The following FLG variants were observed in gnomAD, a reference collection of about 807,000 sequenced individuals.
FLG encodes filaggrin, also known as epidermal filaggrin.
FLG carries 6 observed loss-of-function variants against 3.8 expected under a neutral mutation model. That is an observed-to-expected ratio of 1.60 (90% confidence interval 0.87 to 3.15). The LOEUF (loss-of-function observed/expected upper bound fraction) is 3.15. Among genes scored for constraint, FLG ranks in the 30% most tolerant of loss-of-function variants. The pLI is 0.00. For missense variants in FLG, 7,595 were observed against 5,050.9 expected, an observed-to-expected ratio of 1.50 and a Z score of -15.27; for synonymous variants, 2,551 against 1,931.6, an observed-to-expected ratio of 1.32 and a Z score of -8.41.
rs779204654 is a variant in FLG, at chr1:152,313,004, G to C, written c.1882C>G (p.Gln628Glu). ...CTCTCAGAGTCTTCTGAGTGTCCCT[G>C]ACTGTCACTGTCCTGGCTAACACTG... ...GSSVSQDSDS[Q>E]GHSEDSERWS... is the part of the protein sequence containing the mutation. Residue 628 changes from glutamine to glutamate, a missense_variant, in exon 3 of 3, where the codon CAG becomes GAG. By Grantham distance (29) the Gln-to-Glu change is conservative. Transcript: ENST00000368799. 20 of 1,613,728 alleles carry C rather than the reference G, an allele frequency of 1.2e-5. No individual in the cohort carries two copies. The highest frequency in any genetic ancestry group is 4.5e-5 in the East Asian group (2 of 44,860).
At chr1:152,317,437 A>G (rs999817418) in intron 1 of FLG, among the ~76,000 whole-genome samples, 4 of 152,060 alleles carry the variant, frequency 2.6e-5, no homozygotes, top group Admixed American at 2.6e-4. Context: ...TATCCTTCAT[A>G]TTTCCAAATC....
chr1:152,313,425 G>A lies in FLG; in HGVS notation c.1461C>T (p.Thr487=), dbSNP rs1652601537. The part of the protein sequence containing the change: ...QPDSAHGRTG[T]STGGRQGSHH... ...GCGATCCTTGTCTTCCTCCAGTGCTGGTCCCGGTCCGTCCATGGGCAGAGT... is the reference window on the plus strand; with the variant it reads ...GCGATCCTTGTCTTCCTCCAGTGCTAGTCCCGGTCCGTCCATGGGCAGAGT... The change falls in exon 3 of 3, where the codon ACC becomes ACT. Residue 487 remains threonine (T), a synonymous_variant. Coordinates refer to ENST00000368799, the MANE Select transcript of FLG (RefSeq NM_002016.2). 3.7e-6 allele frequency: 6 copies of A among 1,613,848 alleles called. No individual in the cohort carries two copies. The East Asian group carries it at 1.1e-4, about 30-fold the overall frequency.
rs2101645352 is a variant in FLG at position 152,309,594 on chromosome 1, A to T, written c.5292T>A (p.Ser1764=). The change falls in exon 3 of 3, where the codon TCT becomes TCA. Residue 1764 remains serine, a synonymous_variant. Transcript: ENST00000368799. ...QSGERSGRSG[S]FLYQVSTHEQ... ...CATGAGTGCTCACCTGGTAGAGGAAAGACCCTGAACGTCCAGACCTTTCCC... is the reference window on the plus strand; with the variant it reads ...CATGAGTGCTCACCTGGTAGAGGAATGACCCTGAACGTCCAGACCTTTCCC... 1 of 1,613,768 alleles carries T rather than the reference A, an allele frequency of 6.2e-7. No individual in the cohort carries two copies. The highest frequency in any genetic ancestry group is 1.1e-5 in the South Asian group (1 of 91,052).
At position 152,304,330 on chromosome 1, in the gene FLG, G is replaced by A. The variant is rs757746919; in HGVS notation, c.10556C>T (p.Ser3519Leu). 5.0e-5 allele frequency: 81 copies of A among 1,611,592 alleles called. 2 individuals carry two copies. The highest frequency in any genetic ancestry group is 6.8e-5 in the Non-Finnish European group (80 of 1,178,928). ...ASTQADSSRH[S>L]QSGQGQSAGP... ...CGCTGATTGTCCCTGGCCGGACTGT[G>A]AGTGTCTAGAGCTGTCCGCCTGAGT... Residue 3519 changes from serine (S) to leucine (L), a missense_variant, in exon 3 of 3, where the codon TCA becomes TTA. Physicochemically the swap from Ser to Leu is moderately radical, Grantham distance 145. Transcript: ENST00000368799.
chr1:152,324,977 C>G (rs1432244843), intron 1 of FLG, among the ~76,000 whole-genome samples: 1 of 151,942 alleles, frequency 6.6e-6, no homozygotes, highest in South Asian at 2.1e-4. Flanking sequence ...AATGGACAAT[C>G]TAACAATACA....
At position 152,308,261 on chromosome 1, in the gene FLG, G is replaced by A. The variant is rs1293526306; in HGVS notation, c.6625C>T (p.His2209Tyr). 6 of 1,614,016 alleles carry A rather than the reference G, an allele frequency of 3.7e-6. No individual in the cohort carries two copies. The highest frequency in any genetic ancestry group is 2.2e-5 in the South Asian group (2 of 91,078). The change falls in exon 3 of 3, where the codon CAT becomes TAT. Residue 2209 changes from histidine (H) to tyrosine (Y), a missense_variant. By Grantham distance (83) the His-to-Tyr change is moderately conservative. Coordinates refer to ENST00000368799, the MANE Select transcript of FLG (RefSeq NM_002016.2). ...SGDGSRHSGSHHHEASSWADS... is the reference protein window; with the variant it reads ...SGDGSRHSGSYHHEASSWADS... ...GCCCAAGAGGAAGCTTCATGATGAT[G>A]CGACCCTGAGTGCCTAGAGCCATCT...
In FLG at chr1:152,322,148, T is replaced by A. The variant is rs116074044; in HGVS notation, c.-22+3041A>T. Among the ~76,000 whole-genome samples, 1,205 of 151,262 alleles carry A rather than the reference T, an allele frequency of 8.0e-3. 17 individuals are homozygous for A. Among genetic ancestry groups the A allele is most frequent in the African/African-American group, 0.027 (1,138 of 41,476 alleles). ...ATGTCATAGCAAAAATTATATTTAATGGTGAAATGAAAGCTTTCATCTCCA... is the reference window on the plus strand; with the variant it reads ...ATGTCATAGCAAAAATTATATTTAAAGGTGAAATGAAAGCTTTCATCTCCA... On this transcript the variant is annotated intron_variant, in intron 1 of 2. Transcript: ENST00000368799.
At position 152,305,519 on chromosome 1, in the gene FLG, C is replaced by T; in HGVS notation, c.9367G>A (p.Gly3123Arg). 2 of 1,553,826 alleles carry T rather than the reference C, an allele frequency of 1.3e-6. No individual in the cohort carries two copies. Among genetic ancestry groups the T allele is most frequent in the Non-Finnish European group, 1.7e-6 (2 of 1,156,920 alleles). Residue 3123 changes from glycine (G) to arginine (R), a missense_variant, in exon 3 of 3, where the codon GGG becomes AGG. Coordinates refer to ENST00000368799, the MANE Select transcript of FLG (RefSeq NM_002016.2). ...TCTACCGAATGCTCGTGGTGGTACC[C>T]CTGCCTTCCTCCTCTGCTTGACCCC... Reference protein sequence around the residue: ...HPGSSRGGRQGYHHEHSVDSS... With the variant: ...HPGSSRGGRQRYHHEHSVDSS...
Position 152,307,724 on chromosome 1 carries a change from G to T in FLG, c.7162C>A (p.Gln2388Lys), listed in dbSNP as rs1270215475. ...SDTQSVSAHG[Q>K]AGPHQQSHQE... ...TGGCTCTGCTGATGGGGCCCAGCCT[G>T]TCCGTGGGCTGACACTGACTGTGTG... The change falls in exon 3 of 3, where the codon CAG becomes AAG. Residue 2388 changes from glutamine to lysine, a missense_variant. Coordinates refer to ENST00000368799, the MANE Select transcript of FLG (RefSeq NM_002016.2). 1.9e-6 allele frequency: 3 copies of T among 1,613,338 alleles called. No homozygotes were observed. Among genetic ancestry groups the T allele is most frequent in the African/African-American group, 1.3e-5 (1 of 74,588 alleles).
At position 152,312,668 on chromosome 1, in the gene FLG, G is replaced by T; in HGVS notation, c.2218C>A (p.Arg740=). Residue 740 remains arginine (R), a synonymous_variant, in exon 3 of 3, where the codon CGA becomes AGA. Transcript: ENST00000368799. The stretch of plus-strand genomic sequence containing the variant: ...GTGGCCTGACTACCACTGGACCCTC[G>T]GTGTCCACTGTCTCTGACTGCAGAT... ...ASSAVRDSGH[R]GSSGSQATDS... 6.2e-7 allele frequency: 1 copy of T among 1,613,822 alleles called. No individual in the cohort carries two copies. Among genetic ancestry groups the T allele is most frequent in the Non-Finnish European group, 8.5e-7 (1 of 1,179,994 alleles).
chr1:152,302,959 T>A lies in FLG; in HGVS notation c.11927A>T (p.His3976Leu). The change falls in exon 3 of 3, where the codon CAT becomes CTT. Residue 3976 changes from histidine (H) to leucine (L), a missense_variant. Physicochemically the swap from His to Leu is moderately conservative, Grantham distance 99. Transcript: ENST00000368799. ...ATAATCTGCACTACCATAGCTGCCA[T>A]GTCTCCAAACTAAACCTGATTGACC... ...QKGQSGLVWR[H>L]GSYGSADYDY... 1 of 1,614,198 alleles carries A rather than the reference T, an allele frequency of 6.2e-7. No homozygotes were observed. The highest frequency in any genetic ancestry group is 2.2e-5 in the East Asian group (1 of 44,880).
Position 152,310,404 on chromosome 1 carries a change from C to T in FLG, c.4482G>A (p.Gly1494=), listed in dbSNP as rs1484899260. ...DGQDTIRGHP[G]SSRGGRQGSY... is the part of the protein sequence containing the mutation. Reference sequence around the variant, plus strand: ...ATCCCTGCCTTCCTCCTCTGCTTGACCCCGGGTGTCCACGAATGGTGTCCT... The same window carrying T: ...ATCCCTGCCTTCCTCCTCTGCTTGATCCCGGGTGTCCACGAATGGTGTCCT... Residue 1494 remains glycine (G), a synonymous_variant, in exon 3 of 3, where the codon GGG becomes GGA. Transcript: ENST00000368799. 1.2e-6 allele frequency: 2 copies of T among 1,613,532 alleles called. No individual in the cohort carries two copies. Among genetic ancestry groups the T allele is most frequent in the East Asian group, 4.5e-5 (2 of 44,814 alleles).
chr1:152,307,977 G>A lies in FLG; in HGVS notation c.6909C>T (p.Gly2303=), dbSNP rs1557874828. The change falls in exon 3 of 3, where the codon GGC becomes GGT. Residue 2303 remains glycine, a synonymous_variant. Coordinates refer to ENST00000368799, the MANE Select transcript of FLG (RefSeq NM_002016.2). Reference sequence around the variant, plus strand: ...CAGAGGAATTCTCTGCATGATGAGTGCCTGATTGTCTGGAGCTCTCTGCAG... The same window carrying A: ...CAGAGGAATTCTCTGCATGATGAGTACCTGATTGTCTGGAGCTCTCTGCAG... ...GHSAESSRQS[G]THHAENSSGG... is the part of the protein sequence containing the mutation. 2 of 1,614,196 alleles carry A rather than the reference G, an allele frequency of 1.2e-6. No homozygotes were observed. The highest frequency in any genetic ancestry group is 2.2e-5 in the East Asian group (1 of 44,882).
Position 152,308,703 on chromosome 1 carries a change from T to TGG in FLG, c.6182_6183insCC (p.Gln2062HisfsTer34). The TGG allele has an allele frequency of 1.2e-6, 2 of 1,614,110 alleles. No individual in the cohort carries two copies. The highest frequency in any genetic ancestry group is 4.5e-5 in the East Asian group (2 of 44,874). ...GCTGATGGGGCCCAGCTTTTCCCTG[T>TGG]GCTGACACTGACTGTGTGTCTGAGT... is the stretch of plus-strand genomic sequence containing the variant. On this transcript the variant is annotated frameshift_variant, in exon 3 of 3. Transcript: ENST00000368799. LOFTEE classifies it low-confidence loss of function (END_TRUNC).
rs1008069909 is a variant in FLG, at chr1:152,313,270, G to A, written c.1616C>T (p.Ser539Phe). 1 of 1,613,830 alleles carries A rather than the reference G, an allele frequency of 6.2e-7. No individual in the cohort carries two copies. Among genetic ancestry groups the A allele is most frequent in the African/African-American group, 1.3e-5 (1 of 74,864 alleles). The change falls in exon 3 of 3, where the codon TCT becomes TTT. Residue 539 changes from serine to phenylalanine, a missense_variant. Coordinates refer to ENST00000368799, the MANE Select transcript of FLG (RefSeq NM_002016.2). Reference sequence around the variant, plus strand: ...GCTGTGATGGGAACCTGAGTGTCCAGACCTATTTACCGATTGCTCGTGGTG... The same window carrying A: ...GCTGTGATGGGAACCTGAGTGTCCAAACCTATTTACCGATTGCTCGTGGTG... ...GSHHEQSVNR[S>F]GHSGSHHSHT...
intron 1 of FLG, among the ~76,000 whole-genome samples, chr1:152,320,104 C>T (rs971365749): frequency 4.0e-5 from 6 of 150,778 alleles, no homozygotes; most frequent in African/African-American, 1.5e-4. Context: ...ATTTTTAGGG[C>T]AAGGATGCAG....
In FLG at chr1:152,311,785, C is replaced by T. The variant is rs754426329; in HGVS notation, c.3101G>A (p.Gly1034Glu). 1.9e-5 allele frequency: 30 copies of T among 1,613,994 alleles called. No homozygotes were observed. The highest frequency in any genetic ancestry group is 2.2e-5 in the Non-Finnish European group (26 of 1,180,038). The part of the protein sequence containing the change: ...QARSSPGERH[G>E]SRHQQSADSS... ...GTCTGCTGACTGCTGGTGGCGGGAT[C>T]CGTGTCTTTCTCCTGGACTTGATCT... Residue 1034 changes from glycine to glutamate, a missense_variant, in exon 3 of 3, where the codon GGA (glycine) becomes GAA (glutamate). Gly to Glu is a moderately conservative substitution (Grantham distance 98, BLOSUM62 -2). Transcript: ENST00000368799.
Position 152,308,908 on chromosome 1 carries a change from G to T in FLG, c.5978C>A (p.Ser1993Tyr). 1 of 1,614,210 alleles carries T rather than the reference G, an allele frequency of 6.2e-7. No homozygotes were observed. The highest frequency in any genetic ancestry group is 8.5e-7 in the Non-Finnish European group (1 of 1,180,030). Residue 1993 changes from serine (S) to tyrosine (Y), a missense_variant, in exon 3 of 3, where the codon TCC (serine) becomes TAC (tyrosine). By Grantham distance (144) the Ser-to-Tyr change is moderately radical. Transcript: ENST00000368799. ...TGCACTTGATCTTGCCTGTTCATGG[G>T]ATGACGCAGCCTGTCCACGAGAGGA... ...ESSSRGQAASSHEQARSSAGE... is the reference protein window; with the variant it reads ...ESSSRGQAASYHEQARSSAGE...
Position 152,305,326 on chromosome 1 carries a change from G to T in FLG, c.9560C>A (p.Thr3187Asn), listed in dbSNP as rs759132329. The change falls in exon 3 of 3, where the codon ACT becomes AAT. Residue 3187 changes from threonine to asparagine, a missense_variant. Coordinates refer to ENST00000368799, the MANE Select transcript of FLG (RefSeq NM_002016.2). ...TGAGTGTCTAGAGATGTCGGCATGA[G>T]TGGAAGCTTCATGGTGACGTGACAC... ...HSVSRHHEASTHADISRHSQA... is the reference protein window; with the variant it reads ...HSVSRHHEASNHADISRHSQA... 1.9e-6 allele frequency: 3 copies of T among 1,610,048 alleles called. No individual in the cohort carries two copies. Among genetic ancestry groups the T allele is most frequent in the Non-Finnish European group, 2.5e-6 (3 of 1,179,230 alleles).
Sources: gnomAD v4.1 joint callset for allele counts (sites outside exome capture counted in the v4.1 genomes callset) on GRCh38, gnomAD v4.1.1 for gene constraint, MANE v1.5 for transcripts, NCBI Gene and HGNC (gene_info 2026-07-23, HGNC 2026-07-21) for gene names.